The following NEB variants were observed in gnomAD, a reference collection of about 807,000 sequenced individuals.
NEB encodes nemaline myopathy type 2.
NEB carries 512 observed loss-of-function variants against 952.2 expected under a neutral mutation model. The ratio of observed to expected loss-of-function variants is 0.54; its 90% confidence interval spans 0.50 to 0.58. The LOEUF (loss-of-function observed/expected upper bound fraction) is 0.58, where lower values mean the gene tolerates loss of function less well. Ranked by LOEUF, NEB falls within the 20% of genes least tolerant of loss-of-function variation. NEB has a pLI of 0.00. For missense variants in NEB, 8,428 were observed against 9,231.1 expected (o/e 0.91, Z 3.56); for synonymous variants, 2,900 against 3,149.8 (o/e 0.92, Z 2.66).
At chr2:151,700,338 G>C in intron 13 of NEB, among the ~76,000 whole-genome samples, 2 of 86,758 alleles carry the variant, frequency 2.3e-5, no homozygotes, top group Non-Finnish European at 4.5e-5. Flanking sequence ...GACTGACTTG[G>C]CGATGCGGGC....
chr2:151,687,776 T>G lies in NEB; in HGVS notation c.2416-43A>C, dbSNP rs888100822. 4 of 1,504,688 alleles carry G rather than the reference T, an allele frequency of 2.7e-6. No individual in the cohort carries two copies. The Admixed American group carries it at 5.9e-5, about 22-fold the overall frequency. 93.2% of individuals were successfully genotyped at this position (1,504,688 alleles called of 1,614,324 possible). On this transcript the variant is annotated intron_variant, in intron 25 of 181. Transcript: ENST00000397345. ...AGCAAAGGAATGATAAGAACAACAG[T>G]GTAATCCAGTAAAAAAATAAAAACA... is the stretch of plus-strand genomic sequence containing the variant.
intron 54 of NEB, among the ~76,000 whole-genome samples, chr2:151,648,450 A>AT (rs2098989616): frequency 6.6e-6 from 1 of 152,164 alleles, no homozygotes; most frequent in Non-Finnish European, 1.5e-5. Flanking sequence ...TCTTTAAAAA[A>AT]TTTTTTTATT....
At chr2:151,702,733 C>T (rs1283292511) in intron 13 of NEB, among the ~76,000 whole-genome samples, 1 of 152,108 alleles carries the variant, frequency 6.6e-6, no homozygotes, top group Non-Finnish European at 1.5e-5. Flanking sequence ...GATCTTCCAC[C>T]ATCCTTTTAT....
At chr2:151,615,449 T>C (rs2098161253) in intron 76 of NEB, among the ~76,000 whole-genome samples, 1 of 152,212 alleles carries the variant, frequency 6.6e-6, no homozygotes, top group Non-Finnish European at 1.5e-5. Flanking sequence ...AAGCGGGTAC[T>C]GAGAAAAAGC....
At position 151,513,608 on chromosome 2, in the gene NEB, G is replaced by A; in HGVS notation, c.23213C>T (p.Ala7738Val). ...MANETPDFMR[A>V]RNATDIASQI... ...ACTGGCAATATCAGTAGCATTCCTG[G>A]CCCTCATAAAATCCGGAGTTTCATT... The change falls in exon 160 of 182, where the codon GCC becomes GTC. Residue 7738 changes from alanine (A) to valine (V), a missense_variant. Coordinates refer to ENST00000397345, the MANE Select transcript of NEB (RefSeq NM_001164508.2). 1 of 1,609,310 alleles carries A rather than the reference G, an allele frequency of 6.2e-7. No homozygotes were observed. The highest frequency in any genetic ancestry group is 8.5e-7 in the Non-Finnish European group (1 of 1,177,856).
intron 65 of NEB, 144 bp from the exon 66 acceptor site, chr2:151,631,490 A>G: frequency 1.1e-6 from 1 of 881,788 alleles, no homozygotes. Flanking sequence ...TAAAAGAATT[A>G]TGCTCAAAAA....
At chr2:151,487,056 TG>T (rs1180994546) in intron 181 of NEB, among the ~76,000 whole-genome samples, 1 of 152,232 alleles carries the variant, frequency 6.6e-6, no homozygotes, top group Non-Finnish European at 1.5e-5. Flanking sequence ...TGTGTGTGTG[TG>T]CGCATGTGCG....
At chr2:151,508,160 G>T in intron 161 of NEB, 51 bp from the exon 162 acceptor site, 1 of 1,276,650 alleles carries the variant, frequency 7.8e-7, no homozygotes, top group Non-Finnish European at 1.1e-6. Context: ...AGGGATATAG[G>T]CCAATGGGAC....
intron 165 of NEB, among the ~76,000 whole-genome samples, chr2:151,504,458 T>C (rs942568597): frequency 4.6e-5 from 7 of 152,200 alleles, no homozygotes; most frequent in Non-Finnish European, 1.0e-4. Context: ...CAACTCTTAT[T>C]AGAGGACACA....
At chr2:151,565,958 C>A in intron 114 of NEB, 138 bp from the exon 115 acceptor site, 2 of 620,022 alleles carry the variant, frequency 3.2e-6, no homozygotes, top group Non-Finnish European at 5.6e-6. Context: ...TGTGATTTCA[C>A]CTGAGCAATA....
At chr2:151,650,418 C>T (rs1482329374) in intron 53 of NEB, 39 bp from the exon 54 acceptor site, 2 of 1,587,086 alleles carry the variant, frequency 1.3e-6, no homozygotes, top group Admixed American at 3.4e-5. Context: ...ATCCCATTCT[C>T]ACCTGGACCC....
At position 151,625,812 on chromosome 2, in the gene NEB, AAATGT is replaced by A. The variant is rs548244023; in HGVS notation, c.10348-179_10348-175del. ...CAAGACATTTATTGTAACAAAATAT[AAATGT>A]ATACTAAGATATGAAAAGAAAAATA... On this transcript the variant is annotated intron_variant, in intron 70 of 181. Coordinates refer to ENST00000397345, the MANE Select transcript of NEB (RefSeq NM_001164508.2). 1.6e-4 allele frequency among the ~76,000 whole-genome samples: 24 copies of A among 152,354 alleles called. No homozygotes were observed. In the South Asian group the frequency reaches 5.0e-3, roughly 32 times the overall value.
intron 29 of NEB, among the ~76,000 whole-genome samples, chr2:151,681,125 C>T (rs1053230552): frequency 6.6e-6 from 1 of 152,148 alleles, no homozygotes; most frequent in African/African-American, 2.4e-5. Context: ...CTCAGCTAAG[C>T]AGAATCTGGA....
intron 143 of NEB, among the ~76,000 whole-genome samples, chr2:151,533,126 A>G (rs569378468): frequency 1.8e-4 from 28 of 152,324 alleles, no homozygotes; most frequent in African/African-American, 6.7e-4. Context: ...ACTATCTTCA[A>G]TCTCTAAGGA....
chr2:151,628,873 A>G (rs1053144565), intron 68 of NEB, among the ~76,000 whole-genome samples: 6 of 145,808 alleles, frequency 4.1e-5, no homozygotes, highest in Non-Finnish European at 7.6e-5. Context: ...TCTGTCTCAA[A>G]CAAACAAACA....
intron 181 of NEB, 98 bp from the exon 182 acceptor site, chr2:151,486,031 CTTAAG>C: frequency 7.9e-7 from 1 of 1,269,234 alleles, no homozygotes. Context: ...ACTCCACAAA[CTTAAG>C]TTGAACAAAA....
intron 92 of NEB, among the ~76,000 whole-genome samples, chr2:151,594,802 G>T (rs554096247): frequency 2.5e-3 from 187 of 74,146 alleles, no homozygotes; most frequent in African/African-American, 9.3e-3. Flanking sequence ...CCTGACAAGT[G>T]CAACATTAGG....
At chr2:151,639,458 A>G in intron 62 of NEB, 74 bp from the exon 63 acceptor site, 2 of 1,074,608 alleles carry the variant, frequency 1.9e-6, no homozygotes, top group Non-Finnish European at 2.6e-6. Context: ...AGGGCCACAA[A>G]AACTTTATAA....
Position 151,687,439 on chromosome 2 carries a change from T to A in NEB, c.2617A>T (p.Thr873Ser), listed in dbSNP as rs1480557416. The change falls in exon 27 of 182, where the codon ACA becomes TCA. Residue 873 changes from threonine to serine, a missense_variant. Transcript: ENST00000397345. ...CTCACATCACTCTGGTTTTTGGCTG[T>A]CTTCAAGGAGTGCAGCATCTTTGGA... Reference protein sequence around the residue: ...DDPKMLHSLKTAKNQSDREYR... With the variant: ...DDPKMLHSLKSAKNQSDREYR... 6.2e-7 allele frequency: 1 copy of A among 1,613,830 alleles called. No homozygotes were observed. The highest frequency in any genetic ancestry group is 2.2e-5 in the East Asian group (1 of 44,888).
Sources: gnomAD v4.1 joint callset for allele counts (sites outside exome capture counted in the v4.1 genomes callset) on GRCh38, gnomAD v4.1.1 for gene constraint, MANE v1.5 for transcripts, NCBI Gene and HGNC (gene_info 2026-07-23, HGNC 2026-07-21) for gene names.